Variants in KHDRBS2 observed in about 807,000 individuals in gnomAD.
KHDRBS2 encodes the protein KH RNA binding domain containing, signal transduction associated 2, also known as KH domain-containing, RNA-binding, signal transduction-associated protein 2.
A neutral mutation model predicts 44.3 loss-of-function variants in KHDRBS2; 26 were observed. That is an observed-to-expected ratio of 0.59 (90% CI 0.43 to 0.81). The LOEUF is 0.81. KHDRBS2 is among the 40% of genes least tolerant of loss of function. The pLI, the probability that KHDRBS2 is intolerant of heterozygous loss-of-function variation, is 0.00. For synonymous variants in KHDRBS2, 194 were observed against 151.1 expected, an observed-to-expected ratio of 1.28 and a Z score of -2.08; for missense variants, 476 against 433.1, an observed-to-expected ratio of 1.10 and a Z score of -0.88.
intron 7 of KHDRBS2, among the ~76,000 whole-genome samples, chr6:61,709,699 T>A (rs1770172567): frequency 2.0e-5 from 3 of 151,638 alleles, no homozygotes; most frequent in Admixed American, 6.6e-5. Context: ...ATAGCAAAAA[T>A]TTTCTATAAA....
intron 7 of KHDRBS2, among the ~76,000 whole-genome samples, chr6:61,698,859 C>T (rs1015033150): frequency 1.3e-5 from 2 of 151,990 alleles, no homozygotes; most frequent in Non-Finnish European, 2.9e-5. Flanking sequence ...CCAATTGTCC[C>T]TTTTCCCATT....
intron 6 of KHDRBS2, among the ~76,000 whole-genome samples, chr6:61,793,675 TTAA>T (rs1784933841): frequency 6.6e-6 from 1 of 152,112 alleles, no homozygotes; most frequent in Non-Finnish European, 1.5e-5. Context: ...TTTCAATATG[TTAA>T]TAATATTTCA....
intron 8 of KHDRBS2, among the ~76,000 whole-genome samples, chr6:61,681,607 G>GA (rs1766315106): frequency 6.6e-6 from 1 of 151,008 alleles, no homozygotes; most frequent in African/African-American, 2.4e-5. Context: ...ATATAGAGTA[G>GA]AAAAAACCTT....
At chr6:61,643,520 T>C in the KHDRBS2 span, among the ~76,000 whole-genome samples, 8 of 152,132 alleles carry the variant, frequency 5.3e-5, no homozygotes, top group Non-Finnish European at 1.2e-4. Context: ...AGTCAAACTA[T>C]CCTTGTTTGC....
intron 2 of KHDRBS2, among the ~76,000 whole-genome samples, chr6:62,134,069 GT>G (rs1319429889): frequency 2.6e-5 from 4 of 152,196 alleles, no homozygotes; most frequent in African/African-American, 9.7e-5. Context: ...ATTTGCATAA[GT>G]AATGAGGAGC....
At chr6:61,791,269 T>C (rs1400971259) in intron 6 of KHDRBS2, among the ~76,000 whole-genome samples, 2 of 151,422 alleles carry the variant, frequency 1.3e-5, no homozygotes, top group African/African-American at 4.8e-5. Flanking sequence ...TTTTTTCTTC[T>C]ACTGTTTTCT....
At chr6:61,908,103 T>G (rs1281874565) in intron 4 of KHDRBS2, among the ~76,000 whole-genome samples, 1 of 152,142 alleles carries the variant, frequency 6.6e-6, no homozygotes, top group Non-Finnish European at 1.5e-5. Context: ...CATTAAAAAG[T>G]AAAAATATGA....
intron 3 of KHDRBS2, among the ~76,000 whole-genome samples, chr6:61,979,952 A>T (rs767486294): frequency 6.6e-6 from 1 of 152,062 alleles, no homozygotes; most frequent in Non-Finnish European, 1.5e-5. Context: ...CTCTCCTTAC[A>T]CCTAGAATTT....
intron 4 of KHDRBS2, among the ~76,000 whole-genome samples, chr6:61,913,275 T>G (rs1583476266): frequency 6.6e-6 from 1 of 152,038 alleles, no homozygotes; most frequent in Non-Finnish European, 1.5e-5. Context: ...TTTTAATCAA[T>G]ATCTAGATAC....
chr6:62,022,277 A>G (rs371733316), intron 3 of KHDRBS2, among the ~76,000 whole-genome samples: 1 of 151,780 alleles, frequency 6.6e-6, no homozygotes, highest in Non-Finnish European at 1.5e-5. Flanking sequence ...AATGTTATGA[A>G]GTAAAAATGT....
intron 1 of KHDRBS2, among the ~76,000 whole-genome samples, chr6:62,185,450 C>T (rs1325783837): frequency 6.6e-6 from 1 of 151,864 alleles, no homozygotes; most frequent in Non-Finnish European, 1.5e-5. Flanking sequence ...TGGTCTAATT[C>T]CACAACAATT....
At chr6:62,084,333 T>C (rs1798006480) in intron 2 of KHDRBS2, among the ~76,000 whole-genome samples, 1 of 152,226 alleles carries the variant, frequency 6.6e-6, no homozygotes, top group African/African-American at 2.4e-5. Context: ...TTTAAAGATT[T>C]AACATTATCC....
the KHDRBS2 span, among the ~76,000 whole-genome samples, chr6:61,575,501 G>A: frequency 6.6e-6 from 1 of 152,194 alleles, no homozygotes; most frequent in Non-Finnish European, 1.5e-5. Context: ...CTTTTACACT[G>A]CTGGTGAGAA....
chr6:61,610,426 T>G, the KHDRBS2 span, among the ~76,000 whole-genome samples: 43 of 152,320 alleles, frequency 2.8e-4, no homozygotes, highest in African/African-American at 6.7e-4. Context: ...TCACTTTTTT[T>G]GGGATAAGGA....
At chr6:61,764,591 C>T (rs933875925) in intron 6 of KHDRBS2, among the ~76,000 whole-genome samples, 4 of 152,100 alleles carry the variant, frequency 2.6e-5, no homozygotes, top group African/African-American at 9.7e-5. Context: ...GAGATGGTAT[C>T]TCATCGTGGT....
chr6:62,279,590 T>C (rs1191095896), intron 1 of KHDRBS2, among the ~76,000 whole-genome samples: 1 of 151,890 alleles, frequency 6.6e-6, no homozygotes, highest in Non-Finnish European at 1.5e-5. Flanking sequence ...AATGTAGTAG[T>C]GGTGGATAGG....
At chr6:62,071,059 T>C (rs989588937) in intron 2 of KHDRBS2, among the ~76,000 whole-genome samples, 3 of 152,318 alleles carry the variant, frequency 2.0e-5, no homozygotes, top group Middle Eastern at 3.4e-3. Context: ...TATCTCATTG[T>C]GGTTTTGATT....
At chr6:62,265,654 A>G (rs146760250) in intron 1 of KHDRBS2, among the ~76,000 whole-genome samples, 4 of 152,142 alleles carry the variant, frequency 2.6e-5, no homozygotes, top group East Asian at 3.9e-4. Flanking sequence ...AAAATGAAAG[A>G]CCTTGTGACT....
chr6:61,638,557 G>A, the KHDRBS2 span, among the ~76,000 whole-genome samples: 1 of 152,026 alleles, frequency 6.6e-6, no homozygotes, highest in African/African-American at 2.4e-5. Flanking sequence ...AAAAACCCTG[G>A]AAGAAAACCT....
Sources: gnomAD v4.1 joint callset for allele counts (sites outside exome capture counted in the v4.1 genomes callset) on GRCh38, gnomAD v4.1.1 for gene constraint, MANE v1.5 for transcripts, NCBI Gene and HGNC (gene_info 2026-07-23, HGNC 2026-07-21) for gene names.